Variants in DNA2 observed in about 807,000 individuals in gnomAD.
DNA2 encodes DNA replication helicase/nuclease 2, also known as DNA replication ATP-dependent helicase/nuclease DNA2.
A neutral mutation model predicts 119.1 loss-of-function variants in DNA2; 101 were observed. That is an observed-to-expected ratio of 0.85 (90% confidence interval 0.72 to 1.00). DNA2 has a LOEUF of 1.00. Ranked by LOEUF, DNA2 falls within the 50% of genes least tolerant of loss-of-function variation. DNA2 has a pLI of 0.00. For synonymous variants in DNA2, 366 were observed against 424.4 expected (o/e 0.86, Z 1.69); for missense variants, 1,121 against 1,255.5 (o/e 0.89, Z 1.62).
At chr10:68,426,166 G>C (rs1236162424) in intron 14 of DNA2, among the ~76,000 whole-genome samples, 1 of 151,780 alleles carries the variant, frequency 6.6e-6, no homozygotes, top group Non-Finnish European at 1.5e-5. Context: ...TCTGGGGCTA[G>C]ACAGAGTTCT....
At position 68,450,025 on chromosome 10, in the gene DNA2, T is replaced by C. The variant is rs1254310297; in HGVS notation, c.939+3A>G. 6.5e-7 allele frequency: 1 copy of C among 1,530,148 alleles called. No individual in the cohort carries two copies. The highest frequency in any genetic ancestry group is 8.9e-7 in the Non-Finnish European group (1 of 1,119,918). The allele number at this position is 1,530,148 out of a possible 1,614,324, so 94.8% of individuals were successfully genotyped here. A position where few individuals can be genotyped will look rare whatever the true frequency, so the allele number is the denominator to read the frequency against. On this transcript the variant is annotated splice_donor_region_variant and intron_variant, in intron 6 of 20. Transcript: ENST00000358410. ...CAGACAATTTTCTTATTAACATTTATACCTGACTACGGTGTTCAATAGAAT... is the reference window on the plus strand; with the variant it reads ...CAGACAATTTTCTTATTAACATTTACACCTGACTACGGTGTTCAATAGAAT...
At chr10:68,435,443 G>A (rs2051875112) in intron 10 of DNA2, among the ~76,000 whole-genome samples, 1 of 148,778 alleles carries the variant, frequency 6.7e-6, no homozygotes, top group Non-Finnish European at 1.5e-5. Context: ...ATTAATAGTA[G>A]AATATACATA....
chr10:68,417,453 G>A (rs1422551626), intron 19 of DNA2, among the ~76,000 whole-genome samples: 6 of 144,798 alleles, frequency 4.1e-5, no homozygotes, highest in Non-Finnish European at 7.5e-5. Flanking sequence ...GCTAGAGCTC[G>A]GGAGTTGCCC....
chr10:68,421,067 T>C (rs187034446), intron 17 of DNA2, among the ~76,000 whole-genome samples: 13 of 151,898 alleles, frequency 8.6e-5, no homozygotes, highest in Non-Finnish European at 1.5e-4. Flanking sequence ...GCCTCCCAGG[T>C]AGCTGGGACT....
At chr10:68,453,505 C>CTT (rs2052146062) in intron 5 of DNA2, among the ~76,000 whole-genome samples, 1 of 152,070 alleles carries the variant, frequency 6.6e-6, no homozygotes. Context: ...TTCTGTGTGA[C>CTT]TTGAAAAATT....
rs1391319787 is a variant in DNA2, at chr10:68,442,955, C to G, written c.1377G>C (p.Lys459Asn). ...TLESQSKDNK[K>N]NHQNIWLMPA... Reference sequence around the variant, plus strand: ...GCATTAGCCAGATATTTTGGTGATTCTTTTTATTATCCTTCGATTGTGACT... The same window carrying G: ...GCATTAGCCAGATATTTTGGTGATTGTTTTTATTATCCTTCGATTGTGACT... Residue 459 changes from lysine (K) to asparagine (N), a missense_variant, in exon 9 of 21, where the codon AAG becomes AAC. Coordinates refer to ENST00000358410, the MANE Select transcript of DNA2 (RefSeq NM_001080449.3). The G allele has an allele frequency of 5.0e-6, 8 of 1,612,626 alleles. No individual in the cohort carries two copies. Among genetic ancestry groups the G allele is most frequent in the Non-Finnish European group, 6.8e-6 (8 of 1,179,512 alleles).
chr10:68,466,242 G>A (rs2052325462), intron 3 of DNA2, among the ~76,000 whole-genome samples: 1 of 151,832 alleles, frequency 6.6e-6, no homozygotes, highest in Non-Finnish European at 1.5e-5. Flanking sequence ...TGGCCAGGCT[G>A]ATATGAATTA....
intron 17 of DNA2, among the ~76,000 whole-genome samples, chr10:68,420,265 G>A (rs1185231783): frequency 1.3e-5 from 2 of 152,094 alleles, no homozygotes; most frequent in Admixed American, 6.6e-5. Flanking sequence ...GTGGCCGGGC[G>A]CGGTGGCTCA....
intron 20 of DNA2, 105 bp from the exon 21 acceptor site, chr10:68,415,212 A>G: frequency 1.5e-6 from 1 of 653,740 alleles, no homozygotes; most frequent in Non-Finnish European, 2.6e-6. Context: ...CCACAAAAAA[A>G]AAATAAGGAT....
chr10:68,440,237 G>A (rs2051950071), intron 9 of DNA2, among the ~76,000 whole-genome samples: 2 of 152,200 alleles, frequency 1.3e-5, no homozygotes, highest in South Asian at 4.1e-4. Context: ...CCAGGAGGCA[G>A]AGGTTGCAGT....
intron 3 of DNA2, 147 bp from the exon 4 acceptor site, chr10:68,465,959 G>A: frequency 1.9e-6 from 1 of 534,990 alleles, no homozygotes; most frequent in Non-Finnish European, 2.9e-6. Context: ...CTGGTGCGTG[G>A]AATTATAAGT....
chr10:68,470,017 A>T lies in DNA2; in HGVS notation c.221T>A (p.Leu74Gln). 1 of 1,610,140 alleles carries T rather than the reference A, an allele frequency of 6.2e-7. No homozygotes were observed. The highest frequency in any genetic ancestry group is 8.5e-7 in the Non-Finnish European group (1 of 1,179,170). ...KRLVITASQS[L>Q]ENKELCILRN... ...AAGGATGCATAGTTCTTTATTTTCT[A>T]GTGACTGTGAAGCAGTGATGACCAG... The change falls in exon 2 of 21, where the codon CTA becomes CAA. Residue 74 changes from leucine to glutamine, a missense_variant. Physicochemically the swap from Leu to Gln is moderately radical, Grantham distance 113. Coordinates refer to ENST00000358410, the MANE Select transcript of DNA2 (RefSeq NM_001080449.3).
In DNA2 at chr10:68,414,118, A is replaced by C. The variant is rs1422136691; in HGVS notation, c.*921T>G. 1 of 150,234 alleles carries C rather than the reference A, an allele frequency of 6.7e-6. No homozygotes were observed. Among genetic ancestry groups the C allele is most frequent in the African/African-American group, 2.4e-5 (1 of 41,186 alleles). The allele number at this position is 150,234 out of a possible 1,614,324, so 9.3% of individuals were successfully genotyped here. ...AAAACTTCAAGTAATAATTTAAAAA[A>C]ACACATGAGGTAGAAATAAAAATTT... On this transcript the variant is annotated 3_prime_UTR_variant, in exon 21 of 21. Coordinates refer to ENST00000358410, the MANE Select transcript of DNA2 (RefSeq NM_001080449.3).
At chr10:68,463,260 C>G (rs1303328432) in intron 4 of DNA2, among the ~76,000 whole-genome samples, 1 of 151,806 alleles carries the variant, frequency 6.6e-6, no homozygotes, top group African/African-American at 2.4e-5. Flanking sequence ...CTGGCTAACA[C>G]AGTGAAACCC....
intron 6 of DNA2, among the ~76,000 whole-genome samples, chr10:68,448,968 C>CGCGCGTGT (rs1203956193): frequency 2.7e-5 from 3 of 109,656 alleles, no homozygotes; most frequent in African/African-American, 7.3e-5. Context: ...TGTGTGTGTG[C>CGCGCGTGT]GTGTGTGTGT....
intron 14 of DNA2, among the ~76,000 whole-genome samples, chr10:68,423,647 C>A (rs1204756008): frequency 6.6e-6 from 1 of 152,164 alleles, no homozygotes; most frequent in Non-Finnish European, 1.5e-5. Flanking sequence ...TAACAAGGTG[C>A]CCCACACCCC....
At chr10:68,460,030 T>TACACACACACACAAACACACAC (rs1554909245) in intron 4 of DNA2, among the ~76,000 whole-genome samples, 25 of 145,700 alleles carry the variant, frequency 1.7e-4, no homozygotes, top group African/African-American at 5.8e-4. Flanking sequence ...CCATCACAAA[T>TACACACACACACAAACACACAC]ACACACACAC....
chr10:68,450,030 G>T lies in DNA2; in HGVS notation c.937C>A (p.Gln313Lys). Reference sequence around the variant, plus strand: ...AATTTTCTTATTAACATTTATACCTGACTACGGTGTTCAATAGAATTTGAT... The same window carrying T: ...AATTTTCTTATTAACATTTATACCTTACTACGGTGTTCAATAGAATTTGAT... ...KESNSIEHRS[Q>K]VVLYTLLSQE... Residue 313 changes from glutamine (Q) to lysine (K), a missense_variant and splice_region_variant, in exon 6 of 21, where the codon CAG (glutamine) becomes AAG (lysine). Coordinates refer to ENST00000358410, the MANE Select transcript of DNA2 (RefSeq NM_001080449.3). 1.3e-6 allele frequency: 2 copies of T among 1,544,078 alleles called. No homozygotes were observed. Among genetic ancestry groups the T allele is most frequent in the South Asian group, 1.2e-5 (1 of 86,188 alleles).
chr10:68,421,702 G>A (rs187672839), intron 17 of DNA2, among the ~76,000 whole-genome samples: 40 of 152,068 alleles, frequency 2.6e-4, no homozygotes, highest in African/African-American at 7.5e-4. Flanking sequence ...GCAGTGAGCC[G>A]AGATCATGCC....
Sources: gnomAD v4.1 joint callset for allele counts (sites outside exome capture counted in the v4.1 genomes callset) on GRCh38, gnomAD v4.1.1 for gene constraint, MANE v1.5 for transcripts, NCBI Gene and HGNC (gene_info 2026-07-23, HGNC 2026-07-21) for gene names.